The following HDX variants were observed in gnomAD, a reference collection of about 807,000 sequenced individuals.
The protein encoded by HDX is chromosome X open reading frame 43.
Under a neutral mutation model 45.2 loss-of-function variants are expected in HDX, and 19 were observed. The ratio of observed to expected loss-of-function variants is 0.42; its 90% CI spans 0.29 to 0.62. The LOEUF (loss-of-function observed/expected upper bound fraction) is 0.62. Among genes scored for constraint, HDX ranks in the 20% least tolerant of loss-of-function variants. The probability of loss-of-function intolerance (pLI) is 0.20; values close to 1 mark genes in which losing one functional copy is unlikely to be tolerated. For synonymous variants in HDX, 188 were observed against 172.8 expected (o/e 1.09, Z -0.69); for missense variants, 532 against 493.9 (o/e 1.08, Z -0.73).
chrX:84,329,093 A>C (rs1429651658), intron 9 of HDX, among the ~76,000 whole-genome samples: 3 of 112,096 alleles, frequency 2.7e-5, no homozygotes, highest in African/African-American at 9.7e-5. Flanking sequence ...GTGGAGACCA[A>C]GGTTTTATCT....
intron 5 of HDX, among the ~76,000 whole-genome samples, chrX:84,392,394 T>C (rs948907761): frequency 9.0e-6 from 1 of 111,077 alleles, no homozygotes; most frequent in African/African-American, 3.3e-5. Context: ...CTTTCGCTAT[T>C]TGGGCTCCCC....
intron 6 of HDX, among the ~76,000 whole-genome samples, chrX:84,360,577 C>T (rs896803245): frequency 9.0e-6 from 1 of 111,191 alleles, no homozygotes; most frequent in East Asian, 2.8e-4. Flanking sequence ...GGTCCCATCC[C>T]TCCCCTCCCT....
At chrX:84,405,664 A>ATGTGTGTGTG (rs35051495) in intron 5 of HDX, among the ~76,000 whole-genome samples, 29 of 87,277 alleles carry the variant, frequency 3.3e-4, no homozygotes, top group East Asian at 1.7e-3. Flanking sequence ...ATATATATAT[A>ATGTGTGTGTG]TGTGTGTGTG....
intron 6 of HDX, among the ~76,000 whole-genome samples, chrX:84,351,781 G>A (rs2037366183): frequency 9.0e-6 from 1 of 111,245 alleles, no homozygotes; most frequent in Admixed American, 9.6e-5. Flanking sequence ...GTCTTCTTAT[G>A]TTTGCTATTT....
At chrX:84,443,760 G>T (rs951895670) in intron 4 of HDX, among the ~76,000 whole-genome samples, 12 of 111,985 alleles carry the variant, frequency 1.1e-4, no homozygotes, top group Non-Finnish European at 2.3e-4. Flanking sequence ...ACTTAAAAAA[G>T]TTCCGCCAGC....
At chrX:84,348,232 A>G (rs1308341300) in intron 6 of HDX, among the ~76,000 whole-genome samples, 1 of 111,713 alleles carries the variant, frequency 9.0e-6, no homozygotes, top group Non-Finnish European at 1.9e-5. Flanking sequence ...AATTATTTCC[A>G]CAGCCATGTC....
At chrX:84,418,454 G>A (rs1257326314) in intron 5 of HDX, among the ~76,000 whole-genome samples, 1 of 111,313 alleles carries the variant, frequency 9.0e-6, no homozygotes, top group Non-Finnish European at 1.9e-5. Context: ...TATTAGGGGG[G>A]TACAAAAGTA....
chrX:84,481,591 A>T (rs967849377), intron 2 of HDX, among the ~76,000 whole-genome samples: 1 of 111,565 alleles, frequency 9.0e-6, no homozygotes, highest in African/African-American at 3.3e-5. Flanking sequence ...TTTATGAACA[A>T]ATTGGGGTCT....
At chrX:84,375,188 C>G (rs1199186406) in intron 5 of HDX, among the ~76,000 whole-genome samples, 3 of 107,691 alleles carry the variant, frequency 2.8e-5, no homozygotes, top group African/African-American at 1.1e-4. Flanking sequence ...ATCAAAATCA[C>G]AATGAGATAC....
chrX:84,365,359 C>T (rs1190527259), intron 5 of HDX, among the ~76,000 whole-genome samples: 5 of 111,337 alleles, frequency 4.5e-5, no homozygotes, highest in Non-Finnish European at 3.8e-5. Flanking sequence ...AACCATGACA[C>T]CCAACACTAG....
At chrX:84,478,862 ATAAATAAG>A (rs964097382) in intron 2 of HDX, among the ~76,000 whole-genome samples, 3 of 111,438 alleles carry the variant, frequency 2.7e-5, no homozygotes, top group African/African-American at 9.8e-5. Flanking sequence ...CTGTCTCTAA[ATAAATAAG>A]CAAATAAATA....
At chrX:84,356,755 T>C (rs996125585) in intron 6 of HDX, among the ~76,000 whole-genome samples, 48 of 107,786 alleles carry the variant, frequency 4.5e-4, no homozygotes, top group Admixed American at 1.7e-3. Flanking sequence ...CCCGAGTAGC[T>C]GGGACTATAG....
chrX:84,344,603 C>A (rs755920948), intron 6 of HDX, 146 bp from the exon 7 acceptor site: 2 of 391,772 alleles, frequency 5.1e-6, no homozygotes, highest in Non-Finnish European at 8.9e-6. Context: ...TATGTCAATA[C>A]GCTAAAATAA....
At chrX:84,418,565 A>T (rs2148005291) in intron 5 of HDX, among the ~76,000 whole-genome samples, 1 of 111,641 alleles carries the variant, frequency 9.0e-6, no homozygotes, top group African/African-American at 3.3e-5. Context: ...GGATTTGGCA[A>T]CAGATTTGAT....
intron 4 of HDX, among the ~76,000 whole-genome samples, chrX:84,466,112 T>C (rs1025069012): frequency 1.8e-5 from 2 of 112,407 alleles, no homozygotes; most frequent in African/African-American, 6.5e-5. Context: ...TCCAGTCTTC[T>C]TTAGCCAGTA....
chrX:84,470,181 G>T (rs763648953), intron 3 of HDX, among the ~76,000 whole-genome samples: 1 of 110,482 alleles, frequency 9.1e-6, no homozygotes, highest in Non-Finnish European at 1.9e-5. Flanking sequence ...ATACCTCATC[G>T]TAGATGCATC....
At chrX:84,498,443 C>T (rs1245786826) in intron 1 of HDX, among the ~76,000 whole-genome samples, 3 of 111,288 alleles carry the variant, frequency 2.7e-5, no homozygotes, top group South Asian at 3.8e-4. Flanking sequence ...CTAGAATTAT[C>T]GATATTTGCT....
chrX:84,480,669 T>C (rs2040659158), intron 2 of HDX, among the ~76,000 whole-genome samples: 1 of 111,539 alleles, frequency 9.0e-6, no homozygotes, highest in Non-Finnish European at 1.9e-5. Flanking sequence ...TTATGCTGAT[T>C]GATTTTCAAA....
intron 4 of HDX, among the ~76,000 whole-genome samples, chrX:84,452,922 T>C (rs1369335089): frequency 8.9e-6 from 1 of 112,062 alleles, no homozygotes; most frequent in African/African-American, 3.2e-5. Context: ...AAAGATTTTA[T>C]GGCTAAGACC....
Sources: gnomAD v4.1 joint callset for allele counts (sites outside exome capture counted in the v4.1 genomes callset) on GRCh38, gnomAD v4.1.1 for gene constraint, MANE v1.5 for transcripts, NCBI Gene and HGNC (gene_info 2026-07-23, HGNC 2026-07-21) for gene names.